The following PRKAG2 variants were observed in gnomAD, a reference collection of about 807,000 sequenced individuals.
PRKAG2 encodes the protein 5'-AMP-activated protein kinase subunit gamma-2.
Under a neutral mutation model 69.6 loss-of-function variants are expected in PRKAG2, and 26 were observed. That is an observed-to-expected ratio of 0.37 (90% confidence interval 0.27 to 0.52). The LOEUF is 0.52. PRKAG2 is among the 20% of genes least tolerant of loss of function. The pLI is 0.90. For synonymous variants in PRKAG2, 293 were observed against 285.0 expected (o/e 1.03, Z -0.28); for missense variants, 557 against 740.0 (o/e 0.75, Z 2.87).
chr7:151,808,965 G>A (rs564883926), intron 1 of PRKAG2, among the ~76,000 whole-genome samples: 10 of 152,184 alleles, frequency 6.6e-5, no homozygotes, highest in South Asian at 2.1e-4. Context: ...TCTCTCCCGC[G>A]CTCCCCCTCC....
chr7:151,761,163 G>C (rs1194365099), intron 3 of PRKAG2, among the ~76,000 whole-genome samples: 2 of 152,180 alleles, frequency 1.3e-5, no homozygotes, highest in Non-Finnish European at 2.9e-5. Context: ...AATTTTGGGA[G>C]AAATTTAGTT....
chr7:151,631,750 A>G (rs1468109447), intron 5 of PRKAG2: 2 of 469,794 alleles, frequency 4.3e-6, no homozygotes, highest in South Asian at 1.5e-5. Context: ...ACAAACAATT[A>G]GCGCTCCCTG....
At chr7:151,698,383 A>C (rs539850237) in intron 3 of PRKAG2, among the ~76,000 whole-genome samples, 12 of 151,962 alleles carry the variant, frequency 7.9e-5, no homozygotes, top group Non-Finnish European at 1.6e-4. Flanking sequence ...GGTATGGTTT[A>C]GGTGTTTTGT....
In PRKAG2 at chr7:151,576,351, C is replaced by G. The variant is rs1183408368; in HGVS notation, c.946+20G>C. The G allele has an allele frequency of 6.4e-7, 1 of 1,566,110 alleles. No homozygotes were observed. The highest frequency in any genetic ancestry group is 1.1e-5 in the South Asian group (1 of 89,662). ...TTCAAGGTTTCCATTTTCGATTTTC[C>G]TCAGGCCCACACTGCTTACCTACAA... On this transcript the variant is annotated intron_variant, in intron 7 of 15. Transcript: ENST00000287878.
chr7:151,612,524 A>C (rs1317951566), intron 5 of PRKAG2, among the ~76,000 whole-genome samples: 2 of 152,176 alleles, frequency 1.3e-5, no homozygotes. Context: ...ACTGTGAAGC[A>C]ACCTGGGGAA....
intron 3 of PRKAG2, among the ~76,000 whole-genome samples, chr7:151,715,839 C>G (rs771790636): frequency 6.6e-6 from 1 of 151,516 alleles, no homozygotes; most frequent in Non-Finnish European, 1.5e-5. Context: ...GGAGAGAGGG[C>G]GGGGCGGGGC....
intron 1 of PRKAG2, among the ~76,000 whole-genome samples, chr7:151,868,764 T>C (rs1163013582): frequency 1.3e-5 from 2 of 152,090 alleles, no homozygotes; most frequent in African/African-American, 4.8e-5. Context: ...GCAGCCCCCA[T>C]AAATGTAAAA....
At position 151,632,572 on chromosome 7, in the gene PRKAG2, T is replaced by C; in HGVS notation, c.685-434A>G. On this transcript the variant is annotated intron_variant, in intron 4 of 15. Transcript: ENST00000287878. This position sits in a 1 kb window ranked among gnomAD's most constrained non-coding sequence, Gnocchi z 4.2. ...ACTCCGCCCCCCGGCGCCGCTCACC[T>C]TCCCAGCACCGGCGGCCGCGCTCGG... is the stretch of plus-strand genomic sequence containing the variant. The C allele has an allele frequency of 1.0e-6, 1 of 983,666 alleles. No individual in the cohort carries two copies. The highest frequency in any genetic ancestry group is 1.2e-6 in the Non-Finnish European group (1 of 829,352). The allele number at this position is 983,666 out of a possible 1,614,324, so 60.9% of individuals were successfully genotyped here.
chr7:151,691,213 G>C (rs1298619327), intron 3 of PRKAG2, among the ~76,000 whole-genome samples: 1 of 151,958 alleles, frequency 6.6e-6, no homozygotes, highest in African/African-American at 2.4e-5. Flanking sequence ...ATTATCTCTG[G>C]ATCACTTATA....
intron 8 of PRKAG2, among the ~76,000 whole-genome samples, chr7:151,573,457 G>C (rs2151028389): frequency 6.7e-6 from 1 of 149,888 alleles, no homozygotes; most frequent in Admixed American, 6.8e-5. Flanking sequence ...TGGGACTACA[G>C]GCGTGAGCCA....
intron 1 of PRKAG2, among the ~76,000 whole-genome samples, chr7:151,820,606 G>A (rs6957648): frequency 0.13 from 6,115 of 46,898 alleles, 515 homozygotes; most frequent in Non-Finnish European, 0.14. Flanking sequence ...ACACCGCTCC[G>A]TGGCCTGGCC....
intron 3 of PRKAG2, among the ~76,000 whole-genome samples, chr7:151,746,085 A>AT (rs35899424): frequency 0.53 from 80,100 of 152,088 alleles, 21,854 homozygotes; most frequent in East Asian, 0.66. Flanking sequence ...AAGTGATTTA[A>AT]TTCTCTTACA....
intron 1 of PRKAG2, among the ~76,000 whole-genome samples, chr7:151,831,686 C>A (rs957878255): frequency 6.6e-5 from 10 of 152,184 alleles, no homozygotes; most frequent in South Asian, 2.1e-4. Context: ...ATGTTCCCCC[C>A]CTTGCACGCC....
chr7:151,782,335 AGGAAGGAGGGAGGGAGGGAGGGAG>A (rs1310197625), intron 2 of PRKAG2, among the ~76,000 whole-genome samples: 1 of 27,408 alleles, frequency 3.6e-5, no homozygotes, highest in Non-Finnish European at 7.5e-5. Flanking sequence ...GAAGGAAGGA[AGGAAGGAGGGAGGGAGGGAGGGAG>A]GGAGGGAGGG....
At chr7:151,744,242 G>A (rs752660386) in intron 3 of PRKAG2, among the ~76,000 whole-genome samples, 6 of 152,258 alleles carry the variant, frequency 3.9e-5, no homozygotes, top group Admixed American at 1.3e-4. Context: ...CCGGTGCCCC[G>A]GGGCCACGTT....
chr7:151,577,992 GT>G lies in PRKAG2; in HGVS notation c.865-1541del, dbSNP rs368297039. Among the ~76,000 whole-genome samples the G allele has an allele frequency of 1.2e-3, 173 of 141,984 alleles. 1 individual carries two copies. The highest frequency in any genetic ancestry group is 1.8e-3 in the East Asian group (9 of 4,894). 93.1% of individuals were successfully genotyped at this position (141,984 alleles called of 152,430 possible). On this transcript the variant is annotated intron_variant, in intron 6 of 15. Transcript: ENST00000287878. The stretch of plus-strand genomic sequence containing the variant: ...AAGTGTTACATTATGGTATGGTTAT[GT>G]TTTTTTTTTTTTAACTAAAAGTAAA...
At chr7:151,726,583 A>C (rs1798013166) in intron 3 of PRKAG2, among the ~76,000 whole-genome samples, 1 of 152,164 alleles carries the variant, frequency 6.6e-6, no homozygotes, top group South Asian at 2.1e-4. Context: ...CGGACGCAGG[A>C]GTCGTTGTCT....
intron 8 of PRKAG2, among the ~76,000 whole-genome samples, chr7:151,574,387 T>C (rs1473007122): frequency 6.6e-6 from 1 of 152,230 alleles, no homozygotes; most frequent in Non-Finnish European, 1.5e-5. Flanking sequence ...AGAGTTCTGC[T>C]ACTAAAATCA....
intron 1 of PRKAG2, among the ~76,000 whole-genome samples, chr7:151,851,153 A>G (rs1049363919): frequency 1.3e-5 from 2 of 152,148 alleles, no homozygotes; most frequent in Non-Finnish European, 2.9e-5. Flanking sequence ...CAACTCAAAG[A>G]AAAAAGAAAC....
Sources: gnomAD v4.1 joint callset for allele counts (sites outside exome capture counted in the v4.1 genomes callset) on GRCh38, gnomAD v4.1.1 for gene constraint, Gnocchi (gnomAD v3.1) non-coding constraint, MANE v1.5 for transcripts, NCBI Gene and HGNC (gene_info 2026-07-23, HGNC 2026-07-21) for gene names.